XXYLT1: variants seen among roughly 807,000 people sequenced by gnomAD.
XXYLT1 encodes UDP-xylose:alpha-xyloside alpha-1,3-xylosyltransferase.
Under a neutral mutation model 28.9 loss-of-function variants are expected in XXYLT1, and 20 were observed. The observed-to-expected ratio is 0.69, with a 90% CI of 0.49 to 1.00. The LOEUF (loss-of-function observed/expected upper bound fraction) is 1.00. Ranked by LOEUF, XXYLT1 falls within the 50% of genes least tolerant of loss-of-function variation. The pLI is 0.00. For synonymous variants in XXYLT1, 257 were observed against 253.8 expected, an observed-to-expected ratio of 1.01 and a Z score of -0.12; for missense variants, 542 against 560.1, an observed-to-expected ratio of 0.97 and a Z score of 0.33.
At chr3:195,095,752 G>A in intron 3 of XXYLT1, 1 of 152,594 alleles carries the variant, frequency 6.6e-6, no homozygotes, top group Non-Finnish European at 1.5e-5. Flanking sequence ...GGGTGGGGCA[G>A]CCTTCACTGG....
intron 3 of XXYLT1, among the ~76,000 whole-genome samples, chr3:195,128,085 C>T (rs921735317): frequency 6.6e-6 from 1 of 152,130 alleles, no homozygotes; most frequent in Non-Finnish European, 1.5e-5. Flanking sequence ...TAACCTGCAA[C>T]GGGGCCAGGG....
chr3:195,132,833 A>G (rs1196660741), intron 3 of XXYLT1, among the ~76,000 whole-genome samples: 6 of 152,272 alleles, frequency 3.9e-5, no homozygotes, highest in African/African-American at 1.2e-4. Context: ...TCAGGTTTAC[A>G]CAGATTAACG....
Position 195,174,392 on chromosome 3 carries a change from G to T in XXYLT1, c.653-17811C>A, listed in dbSNP as rs570059578. 2.7e-4 allele frequency among the ~76,000 whole-genome samples: 41 copies of T among 152,182 alleles called. No individual in the cohort carries two copies. In the South Asian group the frequency reaches 6.0e-3, roughly 22 times the overall value. On this transcript the variant is annotated intron_variant, in intron 2 of 3. Coordinates refer to ENST00000310380, the MANE Select transcript of XXYLT1 (RefSeq NM_152531.5). ...CTCCCTTGGTCACCCAGGCTAGAGT[G>T]CAGTGGCACAATCACAGCTCACTGC...
At position 195,150,855 on chromosome 3, in the gene XXYLT1, C is replaced by CA. The variant is rs1720188607; in HGVS notation, c.785+5593dup. 6.7e-6 allele frequency among the ~76,000 whole-genome samples: 1 copy of CA among 150,000 alleles called. No homozygotes were observed. Among genetic ancestry groups the CA allele is most frequent in the African/African-American group, 2.5e-5 (1 of 40,532 alleles). ...ATACGCACACTCTCTCACACACTCT[C>CA]ACACACACACACACTCTCTCCCTCT... On this transcript the variant is annotated intron_variant, in intron 3 of 3. Coordinates refer to ENST00000310380, the MANE Select transcript of XXYLT1 (RefSeq NM_152531.5). This position sits in a 1 kb window ranked among gnomAD's most constrained non-coding sequence, Gnocchi z 4.7.
intron 2 of XXYLT1, among the ~76,000 whole-genome samples, chr3:195,186,538 C>T (rs760892098): frequency 2.4e-4 from 36 of 152,228 alleles, no homozygotes; most frequent in Non-Finnish European, 3.7e-4. Flanking sequence ...CTTCTTCCTC[C>T]GTGTCTTGGC....
intron 3 of XXYLT1, among the ~76,000 whole-genome samples, chr3:195,081,532 G>T (rs112232692): frequency 0.032 from 2,740 of 84,984 alleles, 82 homozygotes; most frequent in African/African-American, 0.19. Flanking sequence ...GAAAAAAAAT[G>T]TACAGTGCAC....
chr3:195,196,117 G>A (rs1003716953), intron 2 of XXYLT1, among the ~76,000 whole-genome samples: 6 of 152,202 alleles, frequency 3.9e-5, no homozygotes, highest in African/African-American at 9.6e-5. Flanking sequence ...GAAACGCTCC[G>A]CACCCGCACT....
chr3:195,197,340 G>C (rs1307287988), intron 2 of XXYLT1, among the ~76,000 whole-genome samples: 2 of 151,926 alleles, frequency 1.3e-5, no homozygotes, highest in Non-Finnish European at 2.9e-5. Context: ...GGGAGGCTGA[G>C]GCACAAGAGT....
intron 2 of XXYLT1, among the ~76,000 whole-genome samples, chr3:195,179,302 T>C (rs576597296): frequency 1.4e-5 from 2 of 146,786 alleles, no homozygotes; most frequent in Admixed American, 6.9e-5. Context: ...ATCGCGCCAC[T>C]GCACTCCAGC....
intron 1 of XXYLT1, chr3:195,247,839 G>A (rs1235961863): frequency 5.7e-6 from 4 of 702,444 alleles, no homozygotes; most frequent in African/African-American, 1.7e-5. Context: ...TCTCACCATA[G>A]TGCAGCAGGA....
intron 3 of XXYLT1, among the ~76,000 whole-genome samples, chr3:195,109,612 GTA>G (rs1717361153): frequency 1.6e-5 from 1 of 63,870 alleles, no homozygotes; most frequent in Non-Finnish European, 3.5e-5. Flanking sequence ...GGTGTGTGTT[GTA>G]TGAGTGTGTG....
At chr3:195,158,481 C>A (rs1720715723) in intron 2 of XXYLT1, among the ~76,000 whole-genome samples, 1 of 152,204 alleles carries the variant, frequency 6.6e-6, no homozygotes, top group South Asian at 2.1e-4. Flanking sequence ...TGGGAGTAAA[C>A]CCAGAAAGGT....
intron 3 of XXYLT1, among the ~76,000 whole-genome samples, chr3:195,117,068 T>C (rs1239631239): frequency 6.6e-6 from 1 of 151,372 alleles, no homozygotes; most frequent in Non-Finnish European, 1.5e-5. Context: ...ATTGCTGTAG[T>C]TTATTGGGAA....
At chr3:195,212,432 T>C (rs1364641836) in intron 2 of XXYLT1, among the ~76,000 whole-genome samples, 1 of 152,158 alleles carries the variant, frequency 6.6e-6, no homozygotes, top group African/African-American at 2.4e-5. Flanking sequence ...CAGGCTGGGT[T>C]CCAGTTTCCC....
At chr3:195,258,138 A>G (rs1205336506) in intron 1 of XXYLT1, among the ~76,000 whole-genome samples, 1 of 152,182 alleles carries the variant, frequency 6.6e-6, no homozygotes, top group Non-Finnish European at 1.5e-5. Context: ...GGTCACACAG[A>G]GGTCACATCC....
chr3:195,250,333 T>G (rs771921880), intron 1 of XXYLT1, among the ~76,000 whole-genome samples: 1 of 152,076 alleles, frequency 6.6e-6, no homozygotes, highest in Admixed American at 6.5e-5. Context: ...GAGGCCGAGG[T>G]GGATGGATCA....
chr3:195,145,551 C>T (rs111575014), intron 3 of XXYLT1, among the ~76,000 whole-genome samples: 4 of 122,720 alleles, frequency 3.3e-5, no homozygotes, highest in Admixed American at 8.1e-5. Flanking sequence ...GCCACATGAA[C>T]GGGCACCTCA....
Position 195,180,544 on chromosome 3 carries a change from G to C in XXYLT1, c.653-23963C>G. 1 of 985,444 alleles carries C rather than the reference G, an allele frequency of 1.0e-6. No individual in the cohort carries two copies. Among genetic ancestry groups the C allele is most frequent in the Non-Finnish European group, 1.2e-6 (1 of 829,972 alleles). The allele number at this position is 985,444 out of a possible 1,614,324, so 61.0% of individuals were successfully genotyped here. A position where few individuals can be genotyped will look rare whatever the true frequency, so the allele number is the denominator to read the frequency against. ...GAAAAGAAGCAAACAAACAGATAAG[G>C]GTCAGCATCTGAGGCCAGACCCTAA... is the stretch of plus-strand genomic sequence containing the variant. On this transcript the variant is annotated intron_variant, in intron 2 of 3. Transcript: ENST00000310380. This position sits in a 1 kb window ranked among gnomAD's most constrained non-coding sequence, Gnocchi z 5.8.
At chr3:195,110,335 GTA>G in intron 3 of XXYLT1, among the ~76,000 whole-genome samples, 2 of 22,064 alleles carry the variant, frequency 9.1e-5, no homozygotes, top group African/African-American at 1.7e-4. Context: ...TGAGGTGTGT[GTA>G]TGTGTGTGGT....
Sources: gnomAD v4.1 joint callset for allele counts (sites outside exome capture counted in the v4.1 genomes callset) on GRCh38, gnomAD v4.1.1 for gene constraint, Gnocchi (gnomAD v3.1) non-coding constraint, MANE v1.5 for transcripts, NCBI Gene and HGNC (gene_info 2026-07-23, HGNC 2026-07-21) for gene names.